The following EPHA6 variants were observed in gnomAD, a reference collection of about 807,000 sequenced individuals.
EPHA6 encodes ephrin type-A receptor 6.
EPHA6 carries 50 observed loss-of-function variants against 112.0 expected under a neutral mutation model. That is an observed-to-expected ratio of 0.45 (90% CI 0.36 to 0.56). The LOEUF (loss-of-function observed/expected upper bound fraction) is 0.56, where lower values mean the gene tolerates loss of function less well. EPHA6 is among the 20% of genes least tolerant of loss of function. EPHA6 has a pLI of 0.00. For synonymous variants in EPHA6, 529 were observed against 490.7 expected (o/e 1.08, Z -1.03); for missense variants, 1,280 against 1,417.4 (o/e 0.90, Z 1.56).
In EPHA6 at chr3:97,749,523, C is replaced by CA. The variant is rs1468455617; in HGVS notation, c.*823dup. Among the ~76,000 whole-genome samples the CA allele has an allele frequency of 6.6e-6, 1 of 152,114 alleles. No homozygotes were observed. Among genetic ancestry groups the CA allele is most frequent in the Non-Finnish European group, 1.5e-5 (1 of 68,030 alleles). ...CTCCTGGAAAGACCAAGGGTGACTT[C>CA]ATTGATCTAATGGCTTTCATAGAGA... On this transcript the variant is annotated 3_prime_UTR_variant, in exon 18 of 18. Coordinates refer to ENST00000389672, the MANE Select transcript of EPHA6 (RefSeq NM_001080448.3).
chr3:97,681,707 A>T (rs571733313), intron 14 of EPHA6, among the ~76,000 whole-genome samples: 1 of 152,224 alleles, frequency 6.6e-6, no homozygotes, highest in Admixed American at 6.5e-5. Context: ...CTACCAAAAT[A>T]TGTGGTGCAT....
At chr3:97,092,677 T>A (rs1185049981) in intron 3 of EPHA6, among the ~76,000 whole-genome samples, 1 of 152,014 alleles carries the variant, frequency 6.6e-6, no homozygotes, top group Non-Finnish European at 1.5e-5. Context: ...CAACTTGAAG[T>A]GTGACTCCTT....
At chr3:97,524,506 T>C (rs1430097755) in intron 10 of EPHA6, among the ~76,000 whole-genome samples, 8 of 152,128 alleles carry the variant, frequency 5.3e-5, no homozygotes, top group Non-Finnish European at 2.9e-5. Flanking sequence ...AATGAGTGAT[T>C]TACATAACCC....
intron 11 of EPHA6, among the ~76,000 whole-genome samples, chr3:97,590,811 C>T (rs941711810): frequency 2.0e-5 from 3 of 152,132 alleles, no homozygotes; most frequent in Non-Finnish European, 2.9e-5. Flanking sequence ...AGTAAGACTG[C>T]TGTATAAATA....
intron 3 of EPHA6, among the ~76,000 whole-genome samples, chr3:97,174,644 A>C (rs906329898): frequency 3.3e-5 from 5 of 151,922 alleles, no homozygotes; most frequent in African/African-American, 1.2e-4. Flanking sequence ...TTCTGTAATG[A>C]TCAGTGGTAT....
intron 3 of EPHA6, among the ~76,000 whole-genome samples, chr3:97,213,997 C>CTGTGTGTGTGTGTGTGTG (rs10557927): frequency 3.7e-4 from 48 of 128,940 alleles, no homozygotes; most frequent in African/African-American, 1.3e-3. Flanking sequence ...CTCATGTGTT[C>CTGTGTGTGTGTGTGTGTG]TGTGTGTGTG....
At chr3:97,178,809 A>G (rs1222459156) in intron 3 of EPHA6, among the ~76,000 whole-genome samples, 1 of 152,092 alleles carries the variant, frequency 6.6e-6, no homozygotes, top group Non-Finnish European at 1.5e-5. Flanking sequence ...TTTGATCATT[A>G]AATGCCTTGA....
At chr3:97,019,295 A>G (rs540520280) in intron 3 of EPHA6, among the ~76,000 whole-genome samples, 4 of 152,284 alleles carry the variant, frequency 2.6e-5, no homozygotes, top group African/African-American at 4.8e-5. Flanking sequence ...TAATATTGAT[A>G]CAAGACTTTT....
chr3:97,119,069 T>C (rs1040235656), intron 3 of EPHA6, among the ~76,000 whole-genome samples: 6 of 151,970 alleles, frequency 3.9e-5, no homozygotes, highest in Non-Finnish European at 5.9e-5. Context: ...TGGGCCCAGC[T>C]GGTTAAGCCA....
At chr3:97,556,918 A>G (rs1239948656) in intron 11 of EPHA6, among the ~76,000 whole-genome samples, 2 of 152,058 alleles carry the variant, frequency 1.3e-5, no homozygotes, top group Non-Finnish European at 2.9e-5. Context: ...TGGGGTGATA[A>G]CCTCTGCTAA....
intron 2 of EPHA6, among the ~76,000 whole-genome samples, chr3:96,938,315 G>C (rs1176294028): frequency 6.6e-6 from 1 of 151,898 alleles, no homozygotes; most frequent in Non-Finnish European, 1.5e-5. Flanking sequence ...CCTTGAAGAG[G>C]TCCTTCACAT....
chr3:97,520,768 T>A (rs553282935), intron 10 of EPHA6, among the ~76,000 whole-genome samples: 13 of 152,340 alleles, frequency 8.5e-5, no homozygotes, highest in Non-Finnish European at 1.8e-4. Context: ...AACTTGGGAT[T>A]AAGTTATTAT....
At chr3:97,577,773 C>T (rs1466576030) in intron 11 of EPHA6, among the ~76,000 whole-genome samples, 1 of 152,146 alleles carries the variant, frequency 6.6e-6, no homozygotes, top group Non-Finnish European at 1.5e-5. Context: ...AAATATCACT[C>T]TTAATCTTAT....
intron 14 of EPHA6, among the ~76,000 whole-genome samples, chr3:97,703,073 C>T (rs1172781628): frequency 6.6e-6 from 1 of 152,142 alleles, no homozygotes; most frequent in Non-Finnish European, 1.5e-5. Flanking sequence ...TGAAGTCAGG[C>T]AGAAAGCAGT....
intron 13 of EPHA6, among the ~76,000 whole-genome samples, chr3:97,611,306 G>T (rs1201484997): frequency 6.6e-6 from 1 of 151,776 alleles, no homozygotes; most frequent in Admixed American, 6.6e-5. Context: ...TATCAACTTT[G>T]TCCTTCTTCA....
intron 14 of EPHA6, among the ~76,000 whole-genome samples, chr3:97,667,999 A>G (rs1226810689): frequency 6.6e-6 from 1 of 152,202 alleles, no homozygotes. Flanking sequence ...CTCACAAGAG[A>G]AAGATCACCA....
chr3:97,221,798 G>A (rs1027331400), intron 3 of EPHA6, among the ~76,000 whole-genome samples: 3 of 152,040 alleles, frequency 2.0e-5, no homozygotes, highest in Admixed American at 6.6e-5. Flanking sequence ...TTGGGAGGCC[G>A]ACGCAGGTGG....
At chr3:97,138,868 G>A (rs879700580) in intron 3 of EPHA6, among the ~76,000 whole-genome samples, 4 of 152,184 alleles carry the variant, frequency 2.6e-5, no homozygotes, top group Admixed American at 2.6e-4. Context: ...TGGACTGCTT[G>A]GGAACTAGCC....
At chr3:97,583,829 A>G (rs2093463762) in intron 11 of EPHA6, among the ~76,000 whole-genome samples, 1 of 152,190 alleles carries the variant, frequency 6.6e-6, no homozygotes, top group Non-Finnish European at 1.5e-5. Context: ...ATATAGTTTA[A>G]AAGTCTGACC....
Sources: gnomAD v4.1 joint callset for allele counts (sites outside exome capture counted in the v4.1 genomes callset) on GRCh38, gnomAD v4.1.1 for gene constraint, MANE v1.5 for transcripts, NCBI Gene and HGNC (gene_info 2026-07-23, HGNC 2026-07-21) for gene names.